The following PTPRD variants were observed in gnomAD, a reference collection of about 807,000 sequenced individuals.
PTPRD encodes receptor-type tyrosine-protein phosphatase delta.
Under a neutral mutation model 214.5 loss-of-function variants are expected in PTPRD, and 34 were observed. That is an observed-to-expected ratio of 0.16 (90% CI 0.12 to 0.21). PTPRD has a LOEUF of 0.21. Among genes scored for constraint, PTPRD ranks in the 10% least tolerant of loss-of-function variants. PTPRD has a pLI of 1.00. For missense variants in PTPRD, 2,545 were observed against 2,398.7 expected, an observed-to-expected ratio of 1.06 and a Z score of -1.27; for synonymous variants, 1,128 against 845.7, an observed-to-expected ratio of 1.33 and a Z score of -5.79.
chr9:10,241,543 A>G (rs990320691), intron 3 of PTPRD, among the ~76,000 whole-genome samples: 2 of 151,998 alleles, frequency 1.3e-5, no homozygotes, highest in Non-Finnish European at 2.9e-5. Context: ...ATTGATAAAT[A>G]TAACAACACG....
chr9:9,933,174 G>A (rs569346792), intron 5 of PTPRD, among the ~76,000 whole-genome samples: 11 of 152,264 alleles, frequency 7.2e-5, no homozygotes, highest in East Asian at 3.9e-4. Context: ...ATCAACTAAC[G>A]TGCAAAATAA....
At chr9:10,588,991 C>T (rs966716685) in intron 2 of PTPRD, among the ~76,000 whole-genome samples, 1 of 151,966 alleles carries the variant, frequency 6.6e-6, no homozygotes, top group Non-Finnish European at 1.5e-5. Flanking sequence ...TATTGTAGAA[C>T]CTTTTCGTCT....
At chr9:9,009,239 G>T (rs2099497219) in intron 11 of PTPRD, among the ~76,000 whole-genome samples, 1 of 151,806 alleles carries the variant, frequency 6.6e-6, no homozygotes, top group Non-Finnish European at 1.5e-5. Flanking sequence ...AAAATTACCA[G>T]GAATATGATA....
chr9:8,347,495 A>G (rs554986616), intron 39 of PTPRD, among the ~76,000 whole-genome samples: 17 of 152,278 alleles, frequency 1.1e-4, no homozygotes, highest in African/African-American at 3.8e-4. Flanking sequence ...ATGAATAAAC[A>G]TCTAATTACA....
At chr9:9,929,116 T>C (rs13301293) in intron 5 of PTPRD, among the ~76,000 whole-genome samples, 2,806 of 152,328 alleles carry the variant, frequency 0.018, 45 homozygotes, top group Non-Finnish European at 0.028. Flanking sequence ...TATTTTACTA[T>C]GTCACTAACT....
intron 7 of PTPRD, among the ~76,000 whole-genome samples, chr9:9,692,413 C>T (rs1348237567): frequency 6.6e-6 from 1 of 151,888 alleles, no homozygotes; most frequent in African/African-American, 2.4e-5. Flanking sequence ...TTCTTGGCAC[C>T]TTTGTCAAAA....
intron 11 of PTPRD, among the ~76,000 whole-genome samples, chr9:8,772,754 C>G (rs527848836): frequency 6.6e-6 from 1 of 151,646 alleles, no homozygotes; most frequent in East Asian, 1.9e-4. Flanking sequence ...TTTTTTTTCT[C>G]ATGAGTATAA....
At chr9:9,512,870 G>GAAA (rs34170938) in intron 8 of PTPRD, among the ~76,000 whole-genome samples, 3 of 145,866 alleles carry the variant, frequency 2.1e-5, no homozygotes, top group African/African-American at 5.0e-5. Context: ...CTATGGTGAT[G>GAAA]AAAAAAAAAA....
At chr9:10,580,899 T>C (rs1008234235) in intron 2 of PTPRD, among the ~76,000 whole-genome samples, 11 of 152,182 alleles carry the variant, frequency 7.2e-5, no homozygotes, top group Admixed American at 2.6e-4. Context: ...CTTGCATGTC[T>C]AATGAGAACC....
chr9:8,362,489 C>T (rs1439701591), intron 39 of PTPRD, among the ~76,000 whole-genome samples: 5 of 152,120 alleles, frequency 3.3e-5, no homozygotes, highest in Admixed American at 2.0e-4. Flanking sequence ...TATGGTTTTT[C>T]AAATCTAAGT....
chr9:10,091,079 T>C (rs1350032743), intron 3 of PTPRD, among the ~76,000 whole-genome samples: 2 of 151,236 alleles, frequency 1.3e-5, no homozygotes, highest in Non-Finnish European at 3.0e-5. Flanking sequence ...AAACAAATAA[T>C]GGCAGAGCTT....
At chr9:9,336,235 T>A (rs927610332) in intron 9 of PTPRD, among the ~76,000 whole-genome samples, 2 of 152,106 alleles carry the variant, frequency 1.3e-5, no homozygotes, top group Non-Finnish European at 2.9e-5. Flanking sequence ...GAGTTACACA[T>A]GTTTAGCTCT....
chr9:9,922,445 C>G (rs2082824423), intron 5 of PTPRD, among the ~76,000 whole-genome samples: 1 of 152,002 alleles, frequency 6.6e-6, no homozygotes, highest in African/African-American at 2.4e-5. Context: ...ACCCAAGCCC[C>G]CATTCTAAAA....
chr9:8,752,235 T>C (rs2093608310), intron 11 of PTPRD, among the ~76,000 whole-genome samples: 1 of 152,160 alleles, frequency 6.6e-6, no homozygotes, highest in Non-Finnish European at 1.5e-5. Flanking sequence ...AAGATCTTGC[T>C]GATAAGGCAG....
intron 9 of PTPRD, among the ~76,000 whole-genome samples, chr9:9,304,707 A>T (rs1386886822): frequency 6.6e-6 from 1 of 151,128 alleles, no homozygotes; most frequent in Non-Finnish European, 1.5e-5. Flanking sequence ...ATAATACTAT[A>T]TAATCTCTAG....
chr9:8,378,925 C>G (rs2084078920), intron 37 of PTPRD, among the ~76,000 whole-genome samples: 1 of 152,006 alleles, frequency 6.6e-6, no homozygotes, highest in African/African-American at 2.4e-5. Context: ...TAAAATTATA[C>G]TAATCCTTAC....
At chr9:8,798,585 A>G (rs2096496978) in intron 11 of PTPRD, among the ~76,000 whole-genome samples, 1 of 152,230 alleles carries the variant, frequency 6.6e-6, no homozygotes, top group South Asian at 2.1e-4. Context: ...CTAGTATACC[A>G]TATCGTCTAA....
intron 11 of PTPRD, among the ~76,000 whole-genome samples, chr9:8,920,270 G>A (rs111262586): frequency 6.6e-6 from 1 of 152,126 alleles, no homozygotes; most frequent in South Asian, 2.1e-4. Flanking sequence ...GAACCCAGGA[G>A]GCAGAGGTTG....
intron 10 of PTPRD, among the ~76,000 whole-genome samples, chr9:9,106,099 T>C (rs769721602): frequency 2.0e-5 from 3 of 152,188 alleles, no homozygotes; most frequent in Non-Finnish European, 4.4e-5. Flanking sequence ...AACTACAACA[T>C]AGCAAGAGCT....
Sources: gnomAD v4.1 joint callset for allele counts (sites outside exome capture counted in the v4.1 genomes callset) on GRCh38, gnomAD v4.1.1 for gene constraint, MANE v1.5 for transcripts, NCBI Gene and HGNC (gene_info 2026-07-23, HGNC 2026-07-21) for gene names.